The following ATP8B4 variants were observed in gnomAD, a reference collection of about 807,000 sequenced individuals.
ATP8B4 encodes the protein ATPase phospholipid transporting 8B4 (putative).
Under a neutral mutation model 145.6 loss-of-function variants are expected in ATP8B4, and 133 were observed. The observed-to-expected ratio is 0.91, with a 90% CI of 0.79 to 1.05. The LOEUF (loss-of-function observed/expected upper bound fraction) is 1.05. Ranked by LOEUF, ATP8B4 falls within the 50% of genes least tolerant of loss-of-function variation. The pLI is 0.00. For synonymous variants in ATP8B4, 507 were observed against 492.9 expected (o/e 1.03, Z -0.38); for missense variants, 1,458 against 1,425.2 (o/e 1.02, Z -0.37).
chr15:49,988,371 C>T (rs1019255922), intron 9 of ATP8B4, among the ~76,000 whole-genome samples: 2 of 151,980 alleles, frequency 1.3e-5, no homozygotes, highest in African/African-American at 2.4e-5. Flanking sequence ...TATACATATC[C>T]ACTGCAAACA....
intron 14 of ATP8B4, among the ~76,000 whole-genome samples, chr15:49,951,307 T>A (rs1276213817): frequency 6.6e-6 from 1 of 152,182 alleles, no homozygotes; most frequent in Non-Finnish European, 1.5e-5. Flanking sequence ...TGTTAAAGTC[T>A]CCCACTATTA....
chr15:50,181,391 C>T lies in ATP8B4; in HGVS notation c.-43+870G>A, dbSNP rs57073472. ...TTTTGAGTCATGCCAATACCACTTA[C>T]TCAATGTCCTCTGTACTATACTATT... On this transcript the variant is annotated intron_variant, in intron 1 of 3. Transcript: ENST00000558829. Among the ~76,000 whole-genome samples, 1,081 of 152,336 alleles carry T rather than the reference C, an allele frequency of 7.1e-3. 11 individuals are homozygous for T. Among genetic ancestry groups the T allele is most frequent in the African/African-American group, 0.025 (1,024 of 41,566 alleles).
intron 2 of ATP8B4, among the ~76,000 whole-genome samples, chr15:50,094,499 C>T (rs565305400): frequency 6.6e-6 from 1 of 151,090 alleles, no homozygotes; most frequent in South Asian, 2.1e-4. Flanking sequence ...TATATAAATG[C>T]ATACATATAT....
At chr15:49,993,967 T>C (rs975737453) in intron 9 of ATP8B4, among the ~76,000 whole-genome samples, 4 of 152,170 alleles carry the variant, frequency 2.6e-5, no homozygotes, top group African/African-American at 9.7e-5. Flanking sequence ...ATTCAAGTCA[T>C]ATCTAGTAAG....
At chr15:49,948,926 T>C (rs1214034957) in intron 14 of ATP8B4, among the ~76,000 whole-genome samples, 1 of 152,182 alleles carries the variant, frequency 6.6e-6, no homozygotes, top group Non-Finnish European at 1.5e-5. Context: ...GAATAGAAGA[T>C]CCTTTCCCTA....
At chr15:49,957,826 T>C (rs555337222) in intron 14 of ATP8B4, among the ~76,000 whole-genome samples, 1 of 151,986 alleles carries the variant, frequency 6.6e-6, no homozygotes, top group Admixed American at 6.5e-5. Flanking sequence ...ACACTTTAAT[T>C]AGCTTCTTCA....
intron 2 of ATP8B4, among the ~76,000 whole-genome samples, chr15:50,091,213 G>C (rs150678007): frequency 1.5e-4 from 23 of 152,180 alleles, no homozygotes; most frequent in African/African-American, 5.1e-4. Flanking sequence ...TAGGTCCCCT[G>C]GGGTACTCTA....
Position 49,918,823 on chromosome 15 carries a change from T to C in ATP8B4, c.2035+16A>G, listed in dbSNP as rs756620196. Reference sequence around the variant, plus strand: ...CCCCATTTTCAAAATATCATCAACATCCATTTTCAAGTTACCTTGTTTGTC... The same window carrying C: ...CCCCATTTTCAAAATATCATCAACACCCATTTTCAAGTTACCTTGTTTGTC... On this transcript the variant is annotated intron_variant, in intron 19 of 27. Coordinates refer to ENST00000284509, the MANE Select transcript of ATP8B4 (RefSeq NM_024837.4). 2.6e-6 allele frequency: 4 copies of C among 1,558,044 alleles called. No homozygotes were observed. In the African/African-American group the frequency reaches 5.4e-5, roughly 21 times the overall value.
At chr15:50,056,190 AG>A (rs1414824451) in intron 3 of ATP8B4, among the ~76,000 whole-genome samples, 2 of 152,182 alleles carry the variant, frequency 1.3e-5, no homozygotes, top group African/African-American at 4.8e-5. Context: ...CAAAGAGCAG[AG>A]GGCACATATC....
At chr15:50,054,954 C>A (rs1442622908) in intron 3 of ATP8B4, among the ~76,000 whole-genome samples, 1 of 152,120 alleles carries the variant, frequency 6.6e-6, no homozygotes, top group Non-Finnish European at 1.5e-5. Context: ...ATTCATCTCC[C>A]ATCCATAATT....
intron 7 of ATP8B4, among the ~76,000 whole-genome samples, chr15:50,008,521 C>T (rs1342427417): frequency 2.6e-5 from 4 of 152,202 alleles, no homozygotes; most frequent in Non-Finnish European, 5.9e-5. Context: ...CAAAATTCTG[C>T]TCTTCAATTG....
At chr15:49,928,532 G>T (rs1012053900) in intron 16 of ATP8B4, among the ~76,000 whole-genome samples, 2 of 152,116 alleles carry the variant, frequency 1.3e-5, no homozygotes, top group Middle Eastern at 3.4e-3. Flanking sequence ...TTTAAGGTTT[G>T]GGAAGCCACC....
intron 2 of ATP8B4, among the ~76,000 whole-genome samples, chr15:50,100,926 TAAA>T (rs894473166): frequency 6.6e-6 from 1 of 152,078 alleles, no homozygotes; most frequent in Admixed American, 6.6e-5. Context: ...AACTAATTAA[TAAA>T]AAAACAATTA....
intron 7 of ATP8B4, among the ~76,000 whole-genome samples, chr15:50,008,280 C>G (rs2048466017): frequency 6.6e-6 from 1 of 152,120 alleles, no homozygotes; most frequent in South Asian, 2.1e-4. Context: ...ACTCCCAGCT[C>G]CCAAACTCAC....
rs369603325 is a variant in ATP8B4 at position 49,862,370 on chromosome 15, C to T, written c.3172G>A (p.Ala1058Thr). The T allele has an allele frequency of 1.2e-5, 20 of 1,612,998 alleles. No individual in the cohort carries two copies. The highest frequency in any genetic ancestry group is 1.6e-5 in the Non-Finnish European group (19 of 1,179,322). The change falls in exon 27 of 28, where the codon GCA becomes ACA. Residue 1058 changes from alanine to threonine, a missense_variant. Ala to Thr is a moderately conservative substitution (Grantham distance 58). Coordinates refer to ENST00000284509, the MANE Select transcript of ATP8B4 (RefSeq NM_024837.4). ...FPNQFPFVGN[A>T]RHSLTQKCIW... is the part of the protein sequence containing the mutation. ...CACTTCTGGGTCAGGGAATGTCGTG[C>T]ATTACCTATCAATCATTAAAGAAAA...
intron 10 of ATP8B4, among the ~76,000 whole-genome samples, chr15:49,985,604 A>G (rs117167871): frequency 2.1e-4 from 32 of 152,320 alleles, no homozygotes; most frequent in Non-Finnish European, 4.1e-4. Context: ...TGCTTTACAA[A>G]CATCCAGTTG....
At chr15:49,912,354 C>T (rs181354977) in intron 20 of ATP8B4, among the ~76,000 whole-genome samples, 18 of 152,122 alleles carry the variant, frequency 1.2e-4, no homozygotes, top group African/African-American at 3.1e-4. Context: ...TTACAACTTA[C>T]GCCACAGAAA....
chr15:49,910,956 T>C (rs1217631095), intron 20 of ATP8B4, among the ~76,000 whole-genome samples: 2 of 151,276 alleles, frequency 1.3e-5, no homozygotes, highest in African/African-American at 4.9e-5. Flanking sequence ...GAACAACACA[T>C]AAAAGTGCAA....
chr15:50,134,275 T>A (rs140595221), intron 1 of ATP8B4, among the ~76,000 whole-genome samples: 171 of 152,068 alleles, frequency 1.1e-3, no homozygotes, highest in African/African-American at 4.0e-3. Flanking sequence ...AAACATAATG[T>A]AAAAATAACT....
Sources: allele counts gnomAD v4.1 joint callset (sites outside exome capture counted in the v4.1 genomes callset), GRCh38; gene constraint gnomAD v4.1.1; transcripts MANE v1.5; gene names NCBI Gene and HGNC (gene_info 2026-07-23, HGNC 2026-07-21).